STARD8: variants seen among roughly 807,000 people sequenced by gnomAD.
STARD8 encodes stAR-related lipid transfer protein 8.
A neutral mutation model predicts 69.4 loss-of-function variants in STARD8; 25 were observed. The ratio of observed to expected loss-of-function variants is 0.36; its 90% CI spans 0.26 to 0.50. The LOEUF (loss-of-function observed/expected upper bound fraction) is 0.50, where lower values mean the gene tolerates loss of function less well. STARD8 is among the 20% of genes least tolerant of loss of function. STARD8 has a pLI of 0.96. For missense variants in STARD8, 921 were observed against 932.5 expected (o/e 0.99, Z 0.16); for synonymous variants, 389 against 374.6 (o/e 1.04, Z -0.45).
In STARD8 at chrX:68,720,478, G is replaced by A. The variant is rs57218064; in HGVS notation, c.2049+55G>A. The A allele has an allele frequency of 4.8e-5, 53 of 1,100,615 alleles. No individual in the cohort carries two copies. The African/African-American group carries it at 8.4e-4, about 17-fold the overall frequency. The allele number at this position is 1,100,615 out of a possible 1,213,427, so 90.7% of individuals were successfully genotyped here. A position where few individuals can be genotyped will look rare whatever the true frequency, so the allele number is the denominator to read the frequency against. ...GATGGTGCAGGGGTGGGGTGGTGGT[G>A]GGCATTGGGCTGAAGGCTGAGGAGC... is the stretch of plus-strand genomic sequence containing the variant. On this transcript the variant is annotated intron_variant, in intron 8 of 14. Coordinates refer to ENST00000374599, the MANE Select transcript of STARD8 (RefSeq NM_001142503.3).
chrX:68,653,128 C>T (rs1253112687), intron 1 of STARD8, among the ~76,000 whole-genome samples: 3 of 82,223 alleles, frequency 3.6e-5, no homozygotes, highest in Non-Finnish European at 2.4e-5. Context: ...ACACCACACA[C>T]ACACCACACA....
chrX:68,653,398 A>ACACACCACACACAC (rs2079585641), intron 1 of STARD8, among the ~76,000 whole-genome samples: 1 of 52,962 alleles, frequency 1.9e-5, no homozygotes. Context: ...CACACCCCAC[A>ACACACCACACACAC]CACACCACAC....
intron 2 of STARD8, among the ~76,000 whole-genome samples, chrX:68,694,207 C>A (rs989049414): frequency 4.4e-5 from 5 of 112,696 alleles, no homozygotes; most frequent in African/African-American, 1.6e-4. Context: ...GTTGCCGGGT[C>A]GCGCCAGATC....
chrX:68,684,296 G>T (rs746627653), intron 2 of STARD8, among the ~76,000 whole-genome samples: 10 of 112,587 alleles, frequency 8.9e-5, no homozygotes, highest in African/African-American at 2.3e-4. Context: ...CCAGCAACAG[G>T]GCTCTGTGAC....
intron 2 of STARD8, among the ~76,000 whole-genome samples, chrX:68,696,825 G>A (rs887344390): frequency 8.9e-6 from 1 of 111,833 alleles, no homozygotes; most frequent in Non-Finnish European, 1.9e-5. Flanking sequence ...CAGTTCCAGG[G>A]AATGTACCAT....
chrX:68,697,739 T>C (rs1399859642), intron 2 of STARD8, among the ~76,000 whole-genome samples: 10 of 112,184 alleles, frequency 8.9e-5, no homozygotes, highest in Non-Finnish European at 1.7e-4. Context: ...CCAGTAAGGG[T>C]GTGCTGACTT....
chrX:68,653,075 A>G (rs2079571019), intron 1 of STARD8, among the ~76,000 whole-genome samples: 1 of 36,030 alleles, frequency 2.8e-5, no homozygotes, highest in Non-Finnish European at 4.7e-5. Flanking sequence ...CACACCACAC[A>G]CACACCACAC....
Position 68,718,626 on chromosome X carries a change from G to A in STARD8, c.1712G>A (p.Cys571Tyr), listed in dbSNP as rs1186362917. The change falls in exon 6 of 15, where the codon TGC becomes TAC. Residue 571 changes from cysteine to tyrosine, a missense_variant. Physicochemically the swap from Cys to Tyr is radical, Grantham distance 194 (BLOSUM62 -2). Coordinates refer to ENST00000374599, the MANE Select transcript of STARD8 (RefSeq NM_001142503.3). Reference protein sequence around the residue: ...SGVGASLTRPCRKLRWHSFQN... With the variant: ...SGVGASLTRPYRKLRWHSFQN... ...GTTGGGGCCTCACTTACCAGACCCT[G>A]CAGGTGAGAGTTTGGGTTGGGATGG... is the stretch of plus-strand genomic sequence containing the variant. The A allele has an allele frequency of 8.4e-7, 1 of 1,190,609 alleles. No homozygotes were observed. The highest frequency in any genetic ancestry group is 1.1e-6 in the Non-Finnish European group (1 of 884,809).
intron 2 of STARD8, among the ~76,000 whole-genome samples, chrX:68,684,695 A>G (rs2079820925): frequency 8.8e-6 from 1 of 113,023 alleles, no homozygotes; most frequent in Admixed American, 9.3e-5. Flanking sequence ...GGGCTAGTCC[A>G]GAATGGGGAC....
intron 2 of STARD8, among the ~76,000 whole-genome samples, chrX:68,677,340 C>T (rs1289720726): frequency 1.8e-5 from 2 of 110,865 alleles, no homozygotes; most frequent in Non-Finnish European, 3.8e-5. Context: ...GGTGTAAGGG[C>T]CAAATAAGAA....
intron 1 of STARD8, among the ~76,000 whole-genome samples, chrX:68,653,110 C>T (rs1456848653): frequency 2.1e-5 from 1 of 47,435 alleles, no homozygotes; most frequent in Non-Finnish European, 4.1e-5. Context: ...ACCACACACA[C>T]ACACCACACA....
chrX:68,722,070 T>C lies in STARD8; in HGVS notation c.2483T>C (p.Ile828Thr), dbSNP rs772062960. 1.9e-5 allele frequency: 23 copies of C among 1,201,319 alleles called. No homozygotes were observed. The Admixed American group carries it at 4.6e-4, about 24-fold the overall frequency. The change falls in exon 11 of 15, where the codon ATT becomes ACT. Residue 828 changes from isoleucine (I) to threonine (T), a missense_variant. Physicochemically the swap from Ile to Thr is moderately conservative, Grantham distance 89 (BLOSUM62 -1). Transcript: ENST00000374599. ...SPRIKSKRSLIGRPGPRDLSD... is the reference protein window; with the variant it reads ...SPRIKSKRSLTGRPGPRDLSD... Reference sequence around the variant, plus strand: ...AGGATCAAGAGCAAACGCAGCCTCATTGGCAGGCCAGGCCCTAGGGACCTG... The same window carrying C: ...AGGATCAAGAGCAAACGCAGCCTCACTGGCAGGCCAGGCCCTAGGGACCTG...
intron 2 of STARD8, among the ~76,000 whole-genome samples, chrX:68,703,989 G>A (rs769005299): frequency 8.9e-5 from 10 of 112,011 alleles, no homozygotes; most frequent in Non-Finnish European, 1.9e-4. Context: ...CTAGTGCTGT[G>A]GTGATACCAG....
At chrX:68,662,783 A>T (rs2079659615) in intron 1 of STARD8, among the ~76,000 whole-genome samples, 1 of 111,778 alleles carries the variant, frequency 8.9e-6, no homozygotes, top group Non-Finnish European at 1.9e-5. Context: ...CCCAGCAACA[A>T]ATTACTCCCT....
Position 68,717,737 on chromosome X carries a change from C to CGGAAGGCCT in STARD8, c.826_834dup (p.Lys276_Trp278dup), listed in dbSNP as rs767704367. 2 of 1,210,851 alleles carry CGGAAGGCCT rather than the reference C, an allele frequency of 1.7e-6. No homozygotes were observed. Among genetic ancestry groups the CGGAAGGCCT allele is most frequent in the Non-Finnish European group, 2.2e-6 (2 of 895,388 alleles). ...AGCCGGTGGCAGTGGTGCCAATACT[C>CGGAAGGCCT]GGAAGGCCTGGGAGGCCTGGCCTGT... On this transcript the variant is annotated inframe_insertion, in exon 6 of 15. Transcript: ENST00000374599.
At chrX:68,668,283 T>C (rs186826199) in intron 2 of STARD8, among the ~76,000 whole-genome samples, 1,769 of 93,016 alleles carry the variant, frequency 0.019, 20 homozygotes, top group Middle Eastern at 0.047. Context: ...TCTCTTTCTT[T>C]CTTTCTTTCT....
At chrX:68,701,835 T>A (rs1375090781) in intron 2 of STARD8, among the ~76,000 whole-genome samples, 2 of 111,931 alleles carry the variant, frequency 1.8e-5, no homozygotes, top group Admixed American at 1.9e-4. Flanking sequence ...GTTGCATTAT[T>A]TAGAAGGCAT....
At chrX:68,679,941 T>C in intron 2 of STARD8, among the ~76,000 whole-genome samples, 1 of 111,581 alleles carries the variant, frequency 9.0e-6, no homozygotes, top group South Asian at 3.8e-4. Flanking sequence ...AGGGGTAGAC[T>C]TGACGCTCCG....
intron 2 of STARD8, among the ~76,000 whole-genome samples, chrX:68,670,171 A>C (rs1201274287): frequency 8.9e-6 from 1 of 112,150 alleles, no homozygotes; most frequent in Non-Finnish European, 1.9e-5. Flanking sequence ...AAATGCTGGG[A>C]TGTGACTTGA....
Sources: gnomAD v4.1 joint callset for allele counts (sites outside exome capture counted in the v4.1 genomes callset) on GRCh38, gnomAD v4.1.1 for gene constraint, MANE v1.5 for transcripts, NCBI Gene and HGNC (gene_info 2026-07-23, HGNC 2026-07-21) for gene names.